Variants in GPC5 observed in about 807,000 individuals in gnomAD.
The protein encoded by GPC5 is glypican 5, also known as glypican-5.
Under a neutral mutation model 53.9 loss-of-function variants are expected in GPC5, and 47 were observed. The observed-to-expected ratio is 0.87, with a 90% CI of 0.69 to 1.11. The LOEUF (loss-of-function observed/expected upper bound fraction) is 1.11, where lower values mean the gene tolerates loss of function less well. Ranked by LOEUF, GPC5 falls within the 50% of genes most tolerant of loss-of-function variation. The pLI is 0.00. For synonymous variants in GPC5, 286 were observed against 263.3 expected, an observed-to-expected ratio of 1.09 and a Z score of -0.84; for missense variants, 748 against 713.1, an observed-to-expected ratio of 1.05 and a Z score of -0.56.
intron 2 of GPC5, among the ~76,000 whole-genome samples, chr13:91,508,247 G>C (rs989880600): frequency 6.6e-6 from 1 of 152,182 alleles, no homozygotes; most frequent in Non-Finnish European, 1.5e-5. Flanking sequence ...AGATGTGAGA[G>C]ATGCTAATAT....
chr13:92,385,640 T>C (rs1874647865), intron 7 of GPC5, among the ~76,000 whole-genome samples: 1 of 143,032 alleles, frequency 7.0e-6, no homozygotes, highest in Admixed American at 7.3e-5. Context: ...TATACATATA[T>C]ACCTATATAC....
intron 7 of GPC5, among the ~76,000 whole-genome samples, chr13:92,223,616 T>C (rs1184052583): frequency 6.6e-6 from 1 of 152,132 alleles, no homozygotes; most frequent in African/African-American, 2.4e-5. Context: ...TGAAACCTCA[T>C]TGATTTTTTT....
At chr13:91,684,456 A>G (rs1219462250) in intron 2 of GPC5, among the ~76,000 whole-genome samples, 24 of 152,194 alleles carry the variant, frequency 1.6e-4, no homozygotes, top group Admixed American at 1.5e-3. Context: ...TGGTACCACT[A>G]TGCATCCAGA....
At chr13:91,938,361 A>G (rs1042511948) in intron 6 of GPC5, among the ~76,000 whole-genome samples, 1 of 152,132 alleles carries the variant, frequency 6.6e-6, no homozygotes, top group Non-Finnish European at 1.5e-5. Context: ...GTGTGAACAC[A>G]GAGTGAGAAC....
chr13:92,412,919 G>C (rs1876113049), intron 7 of GPC5, among the ~76,000 whole-genome samples: 1 of 152,118 alleles, frequency 6.6e-6, no homozygotes, highest in Non-Finnish European at 1.5e-5. Flanking sequence ...GAAATATAAA[G>C]ATAGCCTGTC....
chr13:91,890,926 C>G (rs952240898), intron 5 of GPC5, among the ~76,000 whole-genome samples: 1 of 152,112 alleles, frequency 6.6e-6, no homozygotes, highest in African/African-American at 2.4e-5. Flanking sequence ...ATTTCTTATC[C>G]TAGTTTGCAC....
intron 5 of GPC5, among the ~76,000 whole-genome samples, chr13:91,898,417 G>C (rs118142970): frequency 0.019 from 2,914 of 152,166 alleles, 45 homozygotes; most frequent in Middle Eastern, 0.041. Context: ...TAGGCTGAAG[G>C]GTAGTGTTTC....
At chr13:91,830,091 G>A (rs191212295) in intron 5 of GPC5, among the ~76,000 whole-genome samples, 266 of 135,180 alleles carry the variant, frequency 2.0e-3, no homozygotes, top group Admixed American at 3.2e-3. Flanking sequence ...ATGGGAGATG[G>A]GGGTCTATTT....
chr13:91,401,425 A>C (rs1876946245), intron 1 of GPC5, among the ~76,000 whole-genome samples: 1 of 152,184 alleles, frequency 6.6e-6, no homozygotes. Context: ...GTAATTGACT[A>C]TCATATTTTC....
chr13:92,187,964 T>C (rs2042195961), intron 7 of GPC5, among the ~76,000 whole-genome samples: 1 of 152,222 alleles, frequency 6.6e-6, no homozygotes, highest in Admixed American at 6.5e-5. Context: ...TTATTATTTA[T>C]TTTTTAACAT....
chr13:92,846,412 A>G (rs1000076944), intron 7 of GPC5, among the ~76,000 whole-genome samples: 1 of 152,206 alleles, frequency 6.6e-6, no homozygotes, highest in Non-Finnish European at 1.5e-5. Context: ...ATACTTTAGT[A>G]AAGTATAGAT....
chr13:92,651,369 A>G (rs1566343033), intron 7 of GPC5, among the ~76,000 whole-genome samples: 2 of 152,140 alleles, frequency 1.3e-5, no homozygotes, highest in African/African-American at 4.8e-5. Flanking sequence ...TGTGATGAAA[A>G]TGGTACTTTT....
intron 2 of GPC5, among the ~76,000 whole-genome samples, chr13:91,616,042 A>G (rs1164766276): frequency 1.3e-5 from 2 of 152,150 alleles, no homozygotes; most frequent in Non-Finnish European, 2.9e-5. Context: ...TTATATTGAC[A>G]GATACTGGTG....
intron 7 of GPC5, among the ~76,000 whole-genome samples, chr13:92,822,593 T>C (rs944026551): frequency 1.3e-5 from 2 of 152,004 alleles, no homozygotes; most frequent in African/African-American, 4.8e-5. Flanking sequence ...AACCCCAGAG[T>C]GATTTCAAAT....
At chr13:92,723,618 T>G (rs763048386) in intron 7 of GPC5, among the ~76,000 whole-genome samples, 2 of 151,694 alleles carry the variant, frequency 1.3e-5, no homozygotes, top group Non-Finnish European at 3.0e-5. Context: ...CAATATATCC[T>G]TATAGTAAAA....
At position 92,409,692 on chromosome 13, in the gene GPC5, A is replaced by C. The variant is rs145176739; in HGVS notation, c.1561+264703A>C. On this transcript the variant is annotated intron_variant, in intron 7 of 7. Coordinates refer to ENST00000377067, the MANE Select transcript of GPC5 (RefSeq NM_004466.6). ...TGTTTCAAAGAATCTATCCTAGAGC[A>C]ACAGTCACACATTACGACCAAGATG... 1.4e-3 allele frequency among the ~76,000 whole-genome samples: 210 copies of C among 152,292 alleles called. 6 individuals carry two copies. The East Asian group carries it at 0.035, about 26-fold the overall frequency.
chr13:92,074,187 G>A (rs1296036946), intron 6 of GPC5, among the ~76,000 whole-genome samples: 1 of 152,206 alleles, frequency 6.6e-6, no homozygotes, highest in Non-Finnish European at 1.5e-5. Context: ...ATGGAGGAGA[G>A]AGCAAGAGTG....
chr13:91,485,264 G>A (rs1408495928), intron 2 of GPC5, among the ~76,000 whole-genome samples: 2 of 149,980 alleles, frequency 1.3e-5, no homozygotes, highest in African/African-American at 5.0e-5. Context: ...CCAGTCTGGA[G>A]TGCAATGGTG....
chr13:91,530,756 T>A (rs1886304981), intron 2 of GPC5, among the ~76,000 whole-genome samples: 1 of 152,252 alleles, frequency 6.6e-6, no homozygotes, highest in South Asian at 2.1e-4. Flanking sequence ...GATATTGGAA[T>A]ATTTAGATTG....
Sources: gnomAD v4.1 joint callset for allele counts (sites outside exome capture counted in the v4.1 genomes callset) on GRCh38, gnomAD v4.1.1 for gene constraint, MANE v1.5 for transcripts, NCBI Gene and HGNC (gene_info 2026-07-23, HGNC 2026-07-21) for gene names.